The following ATG7 variants were observed in gnomAD, a reference collection of about 807,000 sequenced individuals.
ATG7 encodes the protein ubiquitin-like modifier-activating enzyme ATG7.
A neutral mutation model predicts 82.4 loss-of-function variants in ATG7; 70 were observed. The ratio of observed to expected loss-of-function variants is 0.85; its 90% CI spans 0.70 to 1.04. The LOEUF (loss-of-function observed/expected upper bound fraction) is 1.04, where lower values mean the gene tolerates loss of function less well. ATG7 is among the 50% of genes least tolerant of loss of function. ATG7 has a pLI of 0.00. For missense variants in ATG7, 792 were observed against 864.3 expected, an observed-to-expected ratio of 0.92 and a Z score of 1.05; for synonymous variants, 287 against 313.0, an observed-to-expected ratio of 0.92 and a Z score of 0.88.
intron 19 of ATG7, among the ~76,000 whole-genome samples, chr3:11,414,778 C>T (rs577474537): frequency 3.9e-5 from 6 of 152,148 alleles, no homozygotes; most frequent in Non-Finnish European, 8.8e-5. Flanking sequence ...AATGACTGTT[C>T]AATTTTGTAA....
At chr3:11,532,822 C>G (rs2447605) in intron 20 of ATG7, among the ~76,000 whole-genome samples, 31,315 of 152,138 alleles carry the variant, frequency 0.21, 3,388 homozygotes, top group Middle Eastern at 0.26. Flanking sequence ...CATGAGATGT[C>G]GTTAGCATGG....
intron 20 of ATG7, among the ~76,000 whole-genome samples, chr3:11,448,901 T>C (rs1471210185): frequency 6.6e-6 from 1 of 152,190 alleles, no homozygotes; most frequent in Non-Finnish European, 1.5e-5. Context: ...CCTGACATTT[T>C]ACACCAGAGT....
rs2072275101 is a variant in ATG7, at chr3:11,555,072, A to G, written c.*229A>G. On this transcript the variant is annotated 3_prime_UTR_variant, in exon 21 of 21. Transcript: ENST00000693202. ...TAATAACCTTGGCCTTGGCCTTGCT[A>G]TTGACCTGGGACTTGGTCCTCCATG... 3.7e-6 allele frequency: 2 copies of G among 547,386 alleles called. No individual in the cohort carries two copies. Among genetic ancestry groups the G allele is most frequent in the Admixed American group, 3.6e-5 (1 of 27,834 alleles). The allele number at this position is 547,386 out of a possible 1,614,324, so 33.9% of individuals were successfully genotyped here. A position where few individuals can be genotyped will look rare whatever the true frequency, so the allele number is the denominator to read the frequency against.
At chr3:11,500,567 G>T (rs1376963461) in intron 20 of ATG7, among the ~76,000 whole-genome samples, 2 of 152,162 alleles carry the variant, frequency 1.3e-5, no homozygotes, top group African/African-American at 4.8e-5. Flanking sequence ...AGGCCATGTA[G>T]AAAATGATGT....
At chr3:11,572,600 T>C in the ATG7 span, among the ~76,000 whole-genome samples, 12 of 152,194 alleles carry the variant, frequency 7.9e-5, no homozygotes, top group African/African-American at 2.7e-4. Context: ...GCTACCTGAC[T>C]GTCGTCCTCT....
chr3:11,403,768 G>T (rs1390305289), intron 19 of ATG7, among the ~76,000 whole-genome samples: 1 of 151,976 alleles, frequency 6.6e-6, no homozygotes, highest in Non-Finnish European at 1.5e-5. Flanking sequence ...ATATCACAAG[G>T]GCAAAAATAG....
intron 9 of ATG7, among the ~76,000 whole-genome samples, chr3:11,331,029 G>A (rs1477196039): frequency 6.6e-6 from 1 of 152,026 alleles, no homozygotes; most frequent in South Asian, 2.1e-4. Context: ...TCTCTTGACT[G>A]TCCTCCTTCA....
chr3:11,510,460 C>T, intron 20 of ATG7: 4 of 365,932 alleles, frequency 1.1e-5, no homozygotes, highest in Non-Finnish European at 2.1e-5. Flanking sequence ...CCACCCCCTC[C>T]CCCATCCCAG....
At chr3:11,522,666 T>G (rs978628974) in intron 20 of ATG7, among the ~76,000 whole-genome samples, 11 of 152,184 alleles carry the variant, frequency 7.2e-5, no homozygotes, top group African/African-American at 2.7e-4. Flanking sequence ...TAGAGGTCAT[T>G]TATACCAAAA....
intron 20 of ATG7, among the ~76,000 whole-genome samples, chr3:11,428,708 G>C (rs972086989): frequency 6.6e-6 from 1 of 152,210 alleles, no homozygotes; most frequent in Non-Finnish European, 1.5e-5. Context: ...CTGCCTGATG[G>C]TATGGAAGAG....
chr3:11,575,361 A>G, the ATG7 span, among the ~76,000 whole-genome samples: 1 of 152,210 alleles, frequency 6.6e-6, no homozygotes, highest in South Asian at 2.1e-4. Flanking sequence ...CAGTCATTAA[A>G]TCAGCATAGC....
chr3:11,412,728 T>G (rs2152919327), intron 19 of ATG7, among the ~76,000 whole-genome samples: 1 of 152,236 alleles, frequency 6.6e-6, no homozygotes, highest in Admixed American at 6.5e-5. Context: ...AAAAACACCG[T>G]TGGATTTGTA....
chr3:11,451,205 G>A (rs570318327), intron 20 of ATG7, among the ~76,000 whole-genome samples: 19 of 134,714 alleles, frequency 1.4e-4, no homozygotes, highest in African/African-American at 5.3e-4. Flanking sequence ...AGAAGTAAAG[G>A]TTGACACTTT....
At chr3:11,554,004 G>A (rs1017426557) in intron 20 of ATG7, among the ~76,000 whole-genome samples, 1 of 152,178 alleles carries the variant, frequency 6.6e-6, no homozygotes, top group African/African-American at 2.4e-5. Context: ...AGCCCTGGGT[G>A]CCAGGGGCCC....
intron 19 of ATG7, among the ~76,000 whole-genome samples, chr3:11,392,918 T>G (rs1576012650): frequency 6.6e-6 from 1 of 152,238 alleles, no homozygotes; most frequent in South Asian, 2.1e-4. Flanking sequence ...ATAAGAACAT[T>G]AGCAAGCAGG....
At chr3:11,566,427 T>A in the ATG7 span, among the ~76,000 whole-genome samples, 1 of 152,340 alleles carries the variant, frequency 6.6e-6, no homozygotes, top group South Asian at 2.1e-4. Flanking sequence ...GATTTCGTGT[T>A]TTGCTTGTAT....
chr3:11,424,209 T>C (rs972900786), intron 19 of ATG7, among the ~76,000 whole-genome samples: 63 of 152,306 alleles, frequency 4.1e-4, no homozygotes, highest in African/African-American at 1.4e-3. Context: ...TCTTCATCAG[T>C]GCTTTAGAGT....
At chr3:11,523,314 C>T (rs1400956136) in intron 20 of ATG7, among the ~76,000 whole-genome samples, 2 of 152,238 alleles carry the variant, frequency 1.3e-5, no homozygotes, top group African/African-American at 4.8e-5. Flanking sequence ...TTAAGTAATG[C>T]TCATAAAATT....
chr3:11,354,642 C>A, intron 14 of ATG7, among the ~76,000 whole-genome samples: 1 of 119,372 alleles, frequency 8.4e-6, no homozygotes, highest in Non-Finnish European at 1.7e-5. Context: ...AGTGAGACTC[C>A]ATCTCACCAA....
Sources: gnomAD v4.1 joint callset for allele counts (sites outside exome capture counted in the v4.1 genomes callset) on GRCh38, gnomAD v4.1.1 for gene constraint, MANE v1.5 for transcripts, NCBI Gene and HGNC (gene_info 2026-07-23, HGNC 2026-07-21) for gene names.